The following ZBTB7C variants were observed in gnomAD, a reference collection of about 807,000 sequenced individuals.
ZBTB7C encodes the protein zinc finger and BTB domain-containing protein 7C.
Under a neutral mutation model 25.7 loss-of-function variants are expected in ZBTB7C, and 8 were observed. The ratio of observed to expected loss-of-function variants is 0.31; its 90% CI spans 0.18 to 0.56. The LOEUF is 0.56. Among genes scored for constraint, ZBTB7C ranks in the 20% least tolerant of loss-of-function variants. ZBTB7C has a pLI of 0.91. For missense variants in ZBTB7C, 824 were observed against 855.2 expected, an observed-to-expected ratio of 0.96 and a Z score of 0.46; for synonymous variants, 394 against 369.0, an observed-to-expected ratio of 1.07 and a Z score of -0.78.
At chr18:48,389,236 CGTGTG>C (rs1338380710) in intron 1 of ZBTB7C, among the ~76,000 whole-genome samples, 403 of 61,906 alleles carry the variant, frequency 6.5e-3, no homozygotes, top group Non-Finnish European at 6.9e-3. Context: ...CTCTCTCTCT[CGTGTG>C]TGTGTGTGTG....
At chr18:48,095,577 T>A (rs1362177842) in intron 3 of ZBTB7C, among the ~76,000 whole-genome samples, 2 of 151,908 alleles carry the variant, frequency 1.3e-5, no homozygotes, top group African/African-American at 2.4e-5. Flanking sequence ...CCAGGGGTGG[T>A]GGCACACCCT....
intron 3 of ZBTB7C, among the ~76,000 whole-genome samples, chr18:48,091,961 G>T (rs1440786230): frequency 6.6e-6 from 1 of 152,212 alleles, no homozygotes; most frequent in Non-Finnish European, 1.5e-5. Flanking sequence ...GTGGTGGAGA[G>T]ATGAGGACAC....
chr18:48,082,718 A>G (rs533127565), intron 3 of ZBTB7C, among the ~76,000 whole-genome samples: 2 of 147,140 alleles, frequency 1.4e-5, no homozygotes, highest in Admixed American at 6.7e-5. Flanking sequence ...TAATCTCATC[A>G]TCCTCACAAT....
At chr18:48,045,637 C>T (rs1324512095) in intron 3 of ZBTB7C, among the ~76,000 whole-genome samples, 1 of 152,164 alleles carries the variant, frequency 6.6e-6, no homozygotes, top group Admixed American at 6.5e-5. Context: ...GGTCCACATC[C>T]CATCCACACT....
At chr18:48,091,181 C>G (rs1598860310) in intron 3 of ZBTB7C, among the ~76,000 whole-genome samples, 1 of 150,718 alleles carries the variant, frequency 6.6e-6, no homozygotes, top group Middle Eastern at 3.4e-3. Flanking sequence ...TCAAATGATC[C>G]TCACTTCAGC....
chr18:48,256,673 CAT>C (rs936650648), intron 2 of ZBTB7C, among the ~76,000 whole-genome samples: 1 of 151,588 alleles, frequency 6.6e-6, no homozygotes, highest in African/African-American at 2.4e-5. Context: ...GGGTTTATAA[CAT>C]ATGTAAAAGT....
intron 1 of ZBTB7C, among the ~76,000 whole-genome samples, chr18:48,363,717 G>A (rs2047162146): frequency 6.6e-6 from 1 of 152,142 alleles, no homozygotes; most frequent in Admixed American, 6.5e-5. Context: ...TGGCCATTGG[G>A]GGTGTATTCT....
intron 2 of ZBTB7C, among the ~76,000 whole-genome samples, chr18:48,246,757 T>G (rs1057305950): frequency 1.3e-5 from 2 of 152,106 alleles, no homozygotes; most frequent in South Asian, 2.1e-4. Context: ...GAGGTTGTGA[T>G]GCTGGCGAAA....
chr18:48,191,894 T>C (rs2042207427), intron 2 of ZBTB7C, among the ~76,000 whole-genome samples: 1 of 152,214 alleles, frequency 6.6e-6, no homozygotes, highest in Non-Finnish European at 1.5e-5. Flanking sequence ...GGCAGTTGTA[T>C]ACAAAGCTAA....
At chr18:48,059,981 CAA>C (rs997254843) in intron 3 of ZBTB7C, among the ~76,000 whole-genome samples, 1 of 152,116 alleles carries the variant, frequency 6.6e-6, no homozygotes, top group Non-Finnish European at 1.5e-5. Flanking sequence ...GCTTATTTCT[CAA>C]GACTAATAAA....
chr18:48,218,545 C>A (rs2145282196), intron 2 of ZBTB7C, among the ~76,000 whole-genome samples: 2 of 152,366 alleles, frequency 1.3e-5, no homozygotes, highest in South Asian at 4.1e-4. Flanking sequence ...ACACACAGGG[C>A]CCTGCCTGGT....
chr18:48,186,187 GGCCCGTGGGCTC>G (rs1052725426), intron 2 of ZBTB7C, among the ~76,000 whole-genome samples, 192 bp from the exon 3 acceptor site: 31 of 152,170 alleles, frequency 2.0e-4, no homozygotes, highest in Admixed American at 5.2e-4. Context: ...CACCCCTCCA[GGCCCGTGGGCTC>G]GGCCCACGCT....
At chr18:48,352,564 G>A (rs951566174) in intron 1 of ZBTB7C, among the ~76,000 whole-genome samples, 3 of 152,144 alleles carry the variant, frequency 2.0e-5, no homozygotes, top group African/African-American at 7.2e-5. Context: ...GGGGCTCAGG[G>A]GAAGGATTAA....
chr18:48,193,473 C>CAA (rs201354322), intron 2 of ZBTB7C, among the ~76,000 whole-genome samples: 1 of 151,052 alleles, frequency 6.6e-6, no homozygotes, highest in East Asian at 1.9e-4. Flanking sequence ...CTCCCCCATC[C>CAA]AAAAAAAAAC....
intron 1 of ZBTB7C, among the ~76,000 whole-genome samples, chr18:48,352,183 G>A (rs1305212699): frequency 2.0e-5 from 3 of 152,220 alleles, no homozygotes; most frequent in Non-Finnish European, 2.9e-5. Context: ...TGGCATGGCA[G>A]CCACTTGACT....
chr18:48,375,709 T>G (rs1378280660), intron 1 of ZBTB7C: 1 of 152,182 alleles, frequency 6.6e-6, no homozygotes, highest in African/African-American at 2.4e-5. Context: ...AACTTCCTCC[T>G]CTGCAAACTG....
Position 48,029,705 on chromosome 18 carries a change from C to T in ZBTB7C, c.1415G>A (p.Cys472Tyr). The T allele has an allele frequency of 1.2e-6, 2 of 1,603,046 alleles. No homozygotes were observed. Among genetic ancestry groups the T allele is most frequent in the Non-Finnish European group, 8.5e-7 (1 of 1,178,948 alleles). The part of the protein sequence containing the change: ...HLHRHIKRQS[C>Y]RMARPRRGRK... ...GCCGCGTCGGGGCCGTGCCATGCGG[C>T]AGCTCTGGCGCTTGATGTGGCGGTG... Residue 472 changes from cysteine to tyrosine, a missense_variant, in exon 5 of 5, where the codon TGC (cysteine) becomes TAC (tyrosine). Around this residue, in one of 4 missense-constraint regions of ZBTB7C, gnomAD observed 342 missense variants for 307.0 expected, o/e 1.11. Coordinates refer to ENST00000590800, the MANE Select transcript of ZBTB7C (RefSeq NM_001318841.2).
chr18:48,293,824 G>A (rs764247544), intron 2 of ZBTB7C, among the ~76,000 whole-genome samples: 4 of 151,844 alleles, frequency 2.6e-5, no homozygotes, highest in Non-Finnish European at 2.9e-5. Context: ...TGCTATATTG[G>A]CCAGGCTGGT....
At chr18:48,041,539 T>C in intron 3 of ZBTB7C, 1 of 985,318 alleles carries the variant, frequency 1.0e-6, no homozygotes, top group Non-Finnish European at 1.2e-6. Flanking sequence ...TCAGTGCTTC[T>C]GCTGAGAAGA....
Sources: gnomAD v4.1 joint callset for allele counts (sites outside exome capture counted in the v4.1 genomes callset) on GRCh38, gnomAD v4.1.1 for gene constraint, gnomAD v4.1.1 regional missense constraint, MANE v1.5 for transcripts, NCBI Gene and HGNC (gene_info 2026-07-23, HGNC 2026-07-21) for gene names.